KLF13: variants seen among roughly 807,000 people sequenced by gnomAD.
KLF13 encodes the protein KLF transcription factor 13.
KLF13 carries 8 observed loss-of-function variants against 16.7 expected under a neutral mutation model. The observed-to-expected ratio is 0.48, with a 90% CI of 0.28 to 0.87. The LOEUF (loss-of-function observed/expected upper bound fraction) is 0.87. Ranked by LOEUF, KLF13 falls within the 40% of genes least tolerant of loss-of-function variation. The pLI is 0.10. For missense variants in KLF13, 447 were observed against 452.2 expected, an observed-to-expected ratio of 0.99 and a Z score of 0.10; for synonymous variants, 245 against 208.4, an observed-to-expected ratio of 1.18 and a Z score of -1.51.
Position 31,411,367 on chromosome 15 carries a change from A to G in KLF13, n.117+17676A>G, listed in dbSNP as rs559394040. The stretch of plus-strand genomic sequence containing the variant: ...TCAATCAACATTCGAAATTCAATCA[A>G]TGTAACTTACCATACCAACACATTT... On this transcript the variant is annotated intron_variant and non_coding_transcript_variant, in intron 1 of 1. Coordinates refer to the KLF13 transcript ENST00000558225. 2.0e-5 allele frequency among the ~76,000 whole-genome samples: 3 copies of G among 151,838 alleles called. 1 individual carries two copies. The highest frequency in any genetic ancestry group is 4.8e-5 in the African/African-American group (2 of 41,414).
intron 1 of KLF13, among the ~76,000 whole-genome samples, 182 bp from the exon 2 acceptor site, chr15:31,371,828 C>T (rs981972166): frequency 6.6e-6 from 1 of 152,184 alleles, no homozygotes; most frequent in South Asian, 2.1e-4. Flanking sequence ...CAGGCGTGGG[C>T]GGGAGGGCAG....
At chr15:31,356,547 G>A (rs1376147526) in intron 1 of KLF13, among the ~76,000 whole-genome samples, 2 of 152,184 alleles carry the variant, frequency 1.3e-5, no homozygotes, top group Admixed American at 6.5e-5. Context: ...GCGAGACTCC[G>A]TCTCAAAAAA....
chr15:31,388,349 C>T (rs754932558), upstream of KLF13, among the ~76,000 whole-genome samples: 21 of 152,056 alleles, frequency 1.4e-4, no homozygotes, highest in Admixed American at 4.6e-4. Flanking sequence ...TGGTGGCTCA[C>T]GCCTGTAATC....
chr15:31,332,633 C>T (rs1020182772), intron 1 of KLF13, among the ~76,000 whole-genome samples: 12 of 152,218 alleles, frequency 7.9e-5, no homozygotes, highest in African/African-American at 2.9e-4. Flanking sequence ...GAGATGGGGG[C>T]CTGATCCTTC....
intron 1 of KLF13, among the ~76,000 whole-genome samples, chr15:31,345,124 C>G (rs1347207736): frequency 6.6e-6 from 1 of 152,170 alleles, no homozygotes; most frequent in Non-Finnish European, 1.5e-5. Flanking sequence ...TAGGGCTGGG[C>G]AGGAGGAGGC....
chr15:31,380,355 G>A (rs2039708736), downstream of KLF13, among the ~76,000 whole-genome samples: 1 of 152,220 alleles, frequency 6.6e-6, no homozygotes, highest in South Asian at 2.1e-4. Context: ...TAGGCAGTGA[G>A]CACCCTGTCG....
In KLF13 at chr15:31,401,301, A is replaced by G. The variant is rs551807320; in HGVS notation, n.530-2127A>G. Among the ~76,000 whole-genome samples, 7 of 152,338 alleles carry G rather than the reference A, an allele frequency of 4.6e-5. No individual in the cohort carries two copies. In the East Asian group the frequency reaches 1.4e-3, roughly 29 times the overall value. On this transcript the variant is annotated intron_variant and non_coding_transcript_variant, in intron 2 of 2. Transcript: ENST00000500533. ...AGGTGTGAGCCACTGCACCCGGCCG[A>G]GACAAAATCTTCTAGACTGCAAAGT...
intron 1 of KLF13, among the ~76,000 whole-genome samples, chr15:31,339,099 CTG>C (rs1204538500): frequency 6.6e-6 from 1 of 152,162 alleles, no homozygotes; most frequent in Non-Finnish European, 1.5e-5. Context: ...GCTTGGCTGA[CTG>C]TCCCTGCTCA....
chr15:31,423,085 ATATACGTATATATACGTATACG>A lies in KLF13; in HGVS notation n.118-12264_118-12243del, dbSNP rs1159990322. ...TTCCAGTCATATAACAATTACATAT[ATATACGTATATATACGTATACG>A]TATACGTATATATACGTATATATAC... On this transcript the variant is annotated intron_variant and non_coding_transcript_variant, in intron 1 of 1. Coordinates refer to the KLF13 transcript ENST00000558225. Among the ~76,000 whole-genome samples the A allele has an allele frequency of 9.3e-5, 13 of 140,248 alleles. 2 individuals carry two copies. In the South Asian group the frequency reaches 2.4e-3, roughly 26 times the overall value. The allele number at this position is 140,248 out of a possible 152,430, so 92.0% of individuals were successfully genotyped here. A position where few individuals can be genotyped will look rare whatever the true frequency, so the allele number is the denominator to read the frequency against.
chr15:31,356,280 G>A (rs531170387), intron 1 of KLF13, among the ~76,000 whole-genome samples: 6 of 152,284 alleles, frequency 3.9e-5, no homozygotes, highest in African/African-American at 7.2e-5. Context: ...CTGGCCGGGC[G>A]CGGTGGCTCA....
chr15:31,338,424 A>T (rs1323273233), intron 1 of KLF13, among the ~76,000 whole-genome samples: 1 of 152,224 alleles, frequency 6.6e-6, no homozygotes, highest in African/African-American at 2.4e-5. Flanking sequence ...CAATCGTTCC[A>T]CTGGAAGTAA....
downstream of KLF13, among the ~76,000 whole-genome samples, chr15:31,380,055 T>G (rs1036621289): frequency 2.4e-4 from 37 of 152,132 alleles, no homozygotes; most frequent in Non-Finnish European, 4.1e-4. Flanking sequence ...CCCAGCACTC[T>G]GGGGGGCCGA....
In KLF13 at chr15:31,327,401, G is replaced by A. The variant is rs1041578317; in HGVS notation, c.189G>A (p.Val63=). The A allele has an allele frequency of 1.2e-5, 15 of 1,291,296 alleles. No individual in the cohort carries two copies. Among genetic ancestry groups the A allele is most frequent in the Non-Finnish European group, 1.5e-5 (15 of 1,018,638 alleles). The allele number at this position is 1,291,296 out of a possible 1,614,324, so 80.0% of individuals were successfully genotyped here. A position where few individuals can be genotyped will look rare whatever the true frequency, so the allele number is the denominator to read the frequency against. ...RDGKDSASLF[V]VARILADLNQ... is the part of the protein sequence containing the mutation. ...GTAAGGACAGCGCCTCGCTCTTCGT[G>A]GTGGCGCGGATCCTAGCGGACCTCA... Residue 63 remains valine, a synonymous_variant, in exon 1 of 2, where the codon GTG becomes GTA. Coordinates refer to ENST00000307145, the MANE Select transcript of KLF13 (RefSeq NM_015995.4).
At chr15:31,405,398 C>G (rs542457650), downstream of KLF13, among the ~76,000 whole-genome samples, 2 of 152,230 alleles carry the variant, frequency 1.3e-5, no homozygotes, top group African/African-American at 4.8e-5. Flanking sequence ...AAGAAGACTG[C>G]GGTCTACGAA....
chr15:31,330,651 G>A (rs2038812047), intron 1 of KLF13, among the ~76,000 whole-genome samples: 1 of 152,224 alleles, frequency 6.6e-6, no homozygotes, highest in African/African-American at 2.4e-5. Flanking sequence ...CATGCTAAGA[G>A]CTTTCTGTCC....
chr15:31,400,224 G>A (rs1401175707), intron 2 of KLF13, among the ~76,000 whole-genome samples: 4 of 152,196 alleles, frequency 2.6e-5, no homozygotes, highest in East Asian at 1.9e-4. Flanking sequence ...GGGAATCCAC[G>A]GAGCGAGAGC....
downstream of KLF13, among the ~76,000 whole-genome samples, chr15:31,408,125 A>G (rs1360898300): frequency 6.6e-6 from 1 of 152,274 alleles, no homozygotes; most frequent in Non-Finnish European, 1.5e-5. Context: ...AAAACCCTAG[A>G]GAGCAAAATT....
rs146503666 is a variant in KLF13 at position 31,401,383 on chromosome 15, T to C, written n.530-2045T>C. Among the ~76,000 whole-genome samples the C allele has an allele frequency of 3.7e-3, 562 of 152,282 alleles. 2 individuals are homozygous for C. The highest frequency in any genetic ancestry group is 0.013 in the African/African-American group (540 of 41,556). On this transcript the variant is annotated intron_variant and non_coding_transcript_variant, in intron 2 of 2. Coordinates refer to the KLF13 transcript ENST00000500533. ...GCCCAGGGTCCCTTGGGCCTGCTTT[T>C]TGTCCCCCGGGTGGGGTGTAACATC...
At chr15:31,341,244 T>A (rs2039016480) in intron 1 of KLF13, among the ~76,000 whole-genome samples, 1 of 152,208 alleles carries the variant, frequency 6.6e-6, no homozygotes, top group South Asian at 2.1e-4. Flanking sequence ...AGCCCATCTC[T>A]GGGTTTTCAC....
Sources: gnomAD v4.1 joint callset for allele counts (sites outside exome capture counted in the v4.1 genomes callset) on GRCh38, gnomAD v4.1.1 for gene constraint, MANE v1.5 for transcripts, NCBI Gene and HGNC (gene_info 2026-07-23, HGNC 2026-07-21) for gene names.